HNRNPA0: variants seen among roughly 807,000 people sequenced by gnomAD.
HNRNPA0 encodes the protein heterogeneous nuclear ribonucleoprotein A0.
For synonymous variants in HNRNPA0, 243 were observed against 195.5 expected (o/e 1.24, Z -2.03); for missense variants, 252 against 433.7 (o/e 0.58, Z 3.72).
Position 137,746,945 on chromosome 5 carries a change from AAG to A in HNRNPA0, c.*6202_*6203del, listed in dbSNP as rs1359873588. 3.9e-5 allele frequency: 6 copies of A among 152,186 alleles called. No homozygotes were observed. The highest frequency in any genetic ancestry group is 1.2e-4 in the African/African-American group (5 of 41,440). 9.4% of individuals were successfully genotyped at this position (152,186 alleles called of 1,614,324 possible). ...AAGATCAAGTCATAAGAAAATGTGA[AAG>A]AAGTTTTTTTTTTTAATTTCACTGA... is the stretch of plus-strand genomic sequence containing the variant. On this transcript the variant is annotated 3_prime_UTR_variant, in exon 1 of 1. Transcript: ENST00000314940.
In HNRNPA0 at chr5:137,747,389, A is replaced by G. The variant is rs142727605; in HGVS notation, c.*5760T>C. ...AGCACAATGGCCATTTTGTAAAGCTATATGCGCAAGACACAATGCTTCAAT... is the reference window on the plus strand; with the variant it reads ...AGCACAATGGCCATTTTGTAAAGCTGTATGCGCAAGACACAATGCTTCAAT... On this transcript the variant is annotated 3_prime_UTR_variant, in exon 1 of 1. Transcript: ENST00000314940. 22 of 152,326 alleles carry G rather than the reference A, an allele frequency of 1.4e-4. No individual in the cohort carries two copies. Among genetic ancestry groups the G allele is most frequent in the African/African-American group, 4.6e-4 (19 of 41,558 alleles). The allele number at this position is 152,326 out of a possible 1,614,324, so 9.4% of individuals were successfully genotyped here.
rs914727764 is a variant in HNRNPA0 at position 137,753,560 on chromosome 5, C to T, written c.507G>A (p.Glu169=). The T allele has an allele frequency of 1.2e-6, 2 of 1,613,402 alleles. No individual in the cohort carries two copies. Among genetic ancestry groups the T allele is most frequent in the Admixed American group, 1.7e-5 (1 of 60,022 alleles). ...KFHPIQGHRV[E]VKKAVPKEDI... ...CCTCCTTGGGGACTGCTTTCTTCACCTCCACGCGATGGCCCTGAATCGGAT... is the reference window on the plus strand; with the variant it reads ...CCTCCTTGGGGACTGCTTTCTTCACTTCCACGCGATGGCCCTGAATCGGAT... The change falls in exon 1 of 1, where the codon GAG becomes GAA. Residue 169 remains glutamate (E), a synonymous_variant. Transcript: ENST00000314940. The surrounding 1 kb of genome is among the most constrained non-coding windows in gnomAD (Gnocchi z 6.1).
In HNRNPA0 at chr5:137,753,812, C is replaced by A; in HGVS notation, c.255G>T (p.Arg85=). 1 of 1,611,140 alleles carries A rather than the reference C, an allele frequency of 6.2e-7. No homozygotes were observed. Among genetic ancestry groups the A allele is most frequent in the Non-Finnish European group, 8.5e-7 (1 of 1,180,008 alleles). ...GGGCACCGGGCCGCGCCGAATCCTCCCGGGACACCGCCCGCTTCAGCTCCA... is the reference window on the plus strand; with the variant it reads ...GGGCACCGGGCCGCGCCGAATCCTCACGGGACACCGCCCGCTTCAGCTCCA... ...NTVELKRAVS[R]EDSARPGAHA... Residue 85 remains arginine, a synonymous_variant, in exon 1 of 1, where the codon CGG becomes CGT. Transcript: ENST00000314940. The surrounding 1 kb of genome is among the most constrained non-coding windows in gnomAD (Gnocchi z 6.1).
Position 137,747,534 on chromosome 5 carries a change from T to A in HNRNPA0, c.*5615A>T, listed in dbSNP as rs1753428258. ...GATTAATCTACTCTCTCTTCCTCAT[T>A]CTTCATATATCCAAATATTTGTCAA... On this transcript the variant is annotated 3_prime_UTR_variant, in exon 1 of 1. Transcript: ENST00000314940. 1 of 152,214 alleles carries A rather than the reference T, an allele frequency of 6.6e-6. No homozygotes were observed. Among genetic ancestry groups the A allele is most frequent in the Admixed American group, 6.5e-5 (1 of 15,286 alleles). The allele number at this position is 152,214 out of a possible 1,614,324, so 9.4% of individuals were successfully genotyped here.
rs1753402268 is a variant in HNRNPA0, at chr5:137,745,818, T to C, written c.*7331A>G. The C allele has an allele frequency of 6.6e-6, 1 of 152,218 alleles. No individual in the cohort carries two copies. Among genetic ancestry groups the C allele is most frequent in the Non-Finnish European group, 1.5e-5 (1 of 68,042 alleles). The allele number at this position is 152,218 out of a possible 1,614,324, so 9.4% of individuals were successfully genotyped here. On this transcript the variant is annotated 3_prime_UTR_variant, in exon 1 of 1. Coordinates refer to ENST00000314940, the MANE Select transcript of HNRNPA0 (RefSeq NM_006805.4). Reference sequence around the variant, plus strand: ...AGAGCACATTTTTATACGAGGGATGTTTCTGCCTAGGGACTCAGTATGCAA... The same window carrying C: ...AGAGCACATTTTTATACGAGGGATGCTTCTGCCTAGGGACTCAGTATGCAA...
At position 137,753,041 on chromosome 5, in the gene HNRNPA0, A is replaced by T; in HGVS notation, c.*108T>A. ...TTAGAAGTGGCTCCCCCAAGGGCAA[A>T]ACAGGGAAGGCGGTGTGTGTGAGGG... On this transcript the variant is annotated 3_prime_UTR_variant, in exon 1 of 1. Coordinates refer to ENST00000314940, the MANE Select transcript of HNRNPA0 (RefSeq NM_006805.4). The surrounding 1 kb of genome is among the most constrained non-coding windows in gnomAD (Gnocchi z 6.1). The T allele has an allele frequency of 7.8e-7, 1 of 1,276,668 alleles. No individual in the cohort carries two copies. Among genetic ancestry groups the T allele is most frequent in the South Asian group, 1.5e-5 (1 of 68,420 alleles). 79.1% of individuals were successfully genotyped at this position (1,276,668 alleles called of 1,614,324 possible).
At position 137,753,949 on chromosome 5, in the gene HNRNPA0, C is replaced by T; in HGVS notation, c.118G>A (p.Val40Met). Residue 40 changes from valine (V) to methionine (M), a missense_variant, in exon 1 of 1, where the codon GTG becomes ATG. Physicochemically the swap from Val to Met is conservative, Grantham distance 21. Coordinates refer to ENST00000314940, the MANE Select transcript of HNRNPA0 (RefSeq NM_006805.4). This position sits in a 1 kb window ranked among gnomAD's most constrained non-coding sequence, Gnocchi z 6.1. Reference protein sequence around the residue: ...FGTLTDCVVVVNPQTKRSRCF... With the variant: ...FGTLTDCVVVMNPQTKRSRCF... Reference sequence around the variant, plus strand: ...CGGGAGCGCTTGGTCTGGGGATTCACCACCACCACGCAGTCCGTCAGAGTC... The same window carrying T: ...CGGGAGCGCTTGGTCTGGGGATTCATCACCACCACGCAGTCCGTCAGAGTC... 6.2e-7 allele frequency: 1 copy of T among 1,614,118 alleles called. No individual in the cohort carries two copies. Among genetic ancestry groups the T allele is most frequent in the Non-Finnish European group, 8.5e-7 (1 of 1,180,024 alleles).
At position 137,750,554 on chromosome 5, in the gene HNRNPA0, T is replaced by A. The variant is rs1191648653; in HGVS notation, c.*2595A>T. 3.3e-5 allele frequency: 5 copies of A among 152,138 alleles called. No homozygotes were observed. Among genetic ancestry groups the A allele is most frequent in the African/African-American group, 1.2e-4 (5 of 41,428 alleles). 9.4% of individuals were successfully genotyped at this position (152,138 alleles called of 1,614,324 possible). ...CCACCTGCTCCCATGAACTCTTAAATCTGAATAATGTTCAGATAATTTTCA... is the reference window on the plus strand; with the variant it reads ...CCACCTGCTCCCATGAACTCTTAAAACTGAATAATGTTCAGATAATTTTCA... On this transcript the variant is annotated 3_prime_UTR_variant, in exon 1 of 1. Transcript: ENST00000314940.
chr5:137,753,212 A>T lies in HNRNPA0; in HGVS notation c.855T>A (p.Ser285Arg). 1 of 1,613,186 alleles carries T rather than the reference A, an allele frequency of 6.2e-7. No individual in the cohort carries two copies. Among genetic ancestry groups the T allele is most frequent in the Non-Finnish European group, 8.5e-7 (1 of 1,179,846 alleles). ...GGGGSSWGGR[S>R]NSGPYRGGYG... is the part of the protein sequence containing the mutation. ...AGCCGCCTCTGTAAGGTCCACTATT[A>T]CTGCGACCGCCCCAGCTACTGCCTC... The change falls in exon 1 of 1, where the codon AGT becomes AGA. Residue 285 changes from serine (S) to arginine (R), a missense_variant. Physicochemically the swap from Ser to Arg is moderately radical, Grantham distance 110. Coordinates refer to ENST00000314940, the MANE Select transcript of HNRNPA0 (RefSeq NM_006805.4). This position sits in a 1 kb window ranked among gnomAD's most constrained non-coding sequence, Gnocchi z 6.1.
chr5:137,747,831 A>C lies in HNRNPA0; in HGVS notation c.*5318T>G, dbSNP rs1258832269. On this transcript the variant is annotated 3_prime_UTR_variant, in exon 1 of 1. Transcript: ENST00000314940. ...AGCCTACTACTCAAAGACCTCAGTA[A>C]CCTGGTTCCAACTTCATTTTCTCAA... is the stretch of plus-strand genomic sequence containing the variant. 6.6e-6 allele frequency: 1 copy of C among 152,204 alleles called. No individual in the cohort carries two copies. The highest frequency in any genetic ancestry group is 1.5e-5 in the Non-Finnish European group (1 of 68,022). The allele number at this position is 152,204 out of a possible 1,614,324, so 9.4% of individuals were successfully genotyped here. A position where few individuals can be genotyped will look rare whatever the true frequency, so the allele number is the denominator to read the frequency against.
chr5:137,748,115 A>G lies in HNRNPA0; in HGVS notation c.*5034T>C, dbSNP rs942323461. On this transcript the variant is annotated 3_prime_UTR_variant, in exon 1 of 1. Coordinates refer to ENST00000314940, the MANE Select transcript of HNRNPA0 (RefSeq NM_006805.4). The stretch of plus-strand genomic sequence containing the variant: ...ACCTAGTGTTTGGCATCCAATATGC[A>G]TACTTCTCCAAATACGCTCCATGTT... The G allele has an allele frequency of 3.3e-5, 5 of 152,164 alleles. No homozygotes were observed. The highest frequency in any genetic ancestry group is 5.9e-5 in the Non-Finnish European group (4 of 68,018). 9.4% of individuals were successfully genotyped at this position (152,164 alleles called of 1,614,324 possible).
At position 137,753,446 on chromosome 5, in the gene HNRNPA0, G is replaced by A. The variant is rs1004041889; in HGVS notation, c.621C>T (p.Asn207=). Residue 207 remains asparagine, a synonymous_variant, in exon 1 of 1, where the codon AAC becomes AAT. Coordinates refer to ENST00000314940, the MANE Select transcript of HNRNPA0 (RefSeq NM_006805.4). This position sits in a 1 kb window ranked among gnomAD's most constrained non-coding sequence, Gnocchi z 6.1. ...CGCCGCCGCCGCCCTTGGAAAGGCC[G>A]TTCTGGTCTCGACCACCGCCGCGCC... The part of the protein sequence containing the change: ...GRGRGGGRDQ[N]GLSKGGGGGY... 1.9e-6 allele frequency: 3 copies of A among 1,556,288 alleles called. No individual in the cohort carries two copies. The highest frequency in any genetic ancestry group is 1.9e-5 in the Admixed American group (1 of 51,398).
In HNRNPA0 at chr5:137,753,701, G is replaced by T. The variant is rs761839859; in HGVS notation, c.366C>A (p.Gly122=). ...CAATAATCTCGGCCTTTTCCACGGT[G>T]CCAAACTGCGAGAAGTGCTCGATCA... is the stretch of plus-strand genomic sequence containing the variant. ...GDLIEHFSQF[G]TVEKAEIIAD... is the part of the protein sequence containing the mutation. The change falls in exon 1 of 1, where the codon GGC becomes GGA. Residue 122 remains glycine, a synonymous_variant. Coordinates refer to ENST00000314940, the MANE Select transcript of HNRNPA0 (RefSeq NM_006805.4). The surrounding 1 kb of genome is among the most constrained non-coding windows in gnomAD (Gnocchi z 6.1). 1 of 1,613,702 alleles carries T rather than the reference G, an allele frequency of 6.2e-7. No homozygotes were observed. The highest frequency in any genetic ancestry group is 8.5e-7 in the Non-Finnish European group (1 of 1,180,044).
rs1410148410 is a variant in HNRNPA0 at position 137,745,839 on chromosome 5, T to G, written c.*7310A>C. 1 of 152,216 alleles carries G rather than the reference T, an allele frequency of 6.6e-6. No homozygotes were observed. The highest frequency in any genetic ancestry group is 1.5e-5 in the Non-Finnish European group (1 of 68,036). The allele number at this position is 152,216 out of a possible 1,614,324, so 9.4% of individuals were successfully genotyped here. A position where few individuals can be genotyped will look rare whatever the true frequency, so the allele number is the denominator to read the frequency against. ...GATGTTTCTGCCTAGGGACTCAGTATGCAAGGTTTTCATTGGGAGTTTGGT... is the reference window on the plus strand; with the variant it reads ...GATGTTTCTGCCTAGGGACTCAGTAGGCAAGGTTTTCATTGGGAGTTTGGT... On this transcript the variant is annotated 3_prime_UTR_variant, in exon 1 of 1. Transcript: ENST00000314940.
chr5:137,753,692 T>C lies in HNRNPA0; in HGVS notation c.375A>G (p.Glu125=), dbSNP rs943622218. Residue 125 remains glutamate, a synonymous_variant, in exon 1 of 1, where the codon GAA becomes GAG. Transcript: ENST00000314940. The surrounding 1 kb of genome is among the most constrained non-coding windows in gnomAD (Gnocchi z 6.1). ...GCTTGTCGGCAATAATCTCGGCCTT[T>C]TCCACGGTGCCAAACTGCGAGAAGT... ...IEHFSQFGTV[E]KAEIIADKQS... 17 of 1,613,904 alleles carry C rather than the reference T, an allele frequency of 1.1e-5. No homozygotes were observed. Among genetic ancestry groups the C allele is most frequent in the Non-Finnish European group, 1.4e-5 (17 of 1,180,028 alleles).
rs1044174935 is a variant in HNRNPA0, at chr5:137,750,474, C to T, written c.*2675G>A. ...GAGGTTCACTTTTATTTTGCTAATC[C>T]GTCAAAATACATTCAAGCATGGCAC... On this transcript the variant is annotated 3_prime_UTR_variant, in exon 1 of 1. Transcript: ENST00000314940. 1 of 152,022 alleles carries T rather than the reference C, an allele frequency of 6.6e-6. No homozygotes were observed. The highest frequency in any genetic ancestry group is 2.4e-5 in the African/African-American group (1 of 41,374). The allele number at this position is 152,022 out of a possible 1,614,324, so 9.4% of individuals were successfully genotyped here.
At position 137,749,119 on chromosome 5, in the gene HNRNPA0, G is replaced by A. The variant is rs1004792499; in HGVS notation, c.*4030C>T. 6.6e-6 allele frequency: 1 copy of A among 152,176 alleles called. No homozygotes were observed. Among genetic ancestry groups the A allele is most frequent in the African/African-American group, 2.4e-5 (1 of 41,456 alleles). 9.4% of individuals were successfully genotyped at this position (152,176 alleles called of 1,614,324 possible). A position where few individuals can be genotyped will look rare whatever the true frequency, so the allele number is the denominator to read the frequency against. On this transcript the variant is annotated 3_prime_UTR_variant, in exon 1 of 1. Coordinates refer to ENST00000314940, the MANE Select transcript of HNRNPA0 (RefSeq NM_006805.4). ...AAGGTGCCTAACACCCAATGAAATT[G>A]ACGGTAAACACTGGGAAATAAGCAC...
In HNRNPA0 at chr5:137,753,119, T is replaced by C. The variant is rs200124541; in HGVS notation, c.*30A>G. The C allele has an allele frequency of 9.8e-5, 156 of 1,593,560 alleles. No individual in the cohort carries two copies. The African/African-American group carries it at 1.5e-3, about 15-fold the overall frequency. ...GGGCTGTTGGAAAGAGCTACCCCTA[T>C]AGCCACTCCCAGGCATTTTAAATTT... On this transcript the variant is annotated 3_prime_UTR_variant, in exon 1 of 1. Coordinates refer to ENST00000314940, the MANE Select transcript of HNRNPA0 (RefSeq NM_006805.4). The surrounding 1 kb of genome is among the most constrained non-coding windows in gnomAD (Gnocchi z 6.1).
rs1235289445 is a variant in HNRNPA0, at chr5:137,752,770, C to G, written c.*379G>C. On this transcript the variant is annotated 3_prime_UTR_variant, in exon 1 of 1. Transcript: ENST00000314940. ...TACAACAAAGTAAACTACCCCCCACCCCAACCCCCACCCAGGTTTTGCTAC... is the reference window on the plus strand; with the variant it reads ...TACAACAAAGTAAACTACCCCCCACGCCAACCCCCACCCAGGTTTTGCTAC... 6.4e-6 allele frequency: 1 copy of G among 156,154 alleles called. No homozygotes were observed. The highest frequency in any genetic ancestry group is 1.4e-5 in the Non-Finnish European group (1 of 71,638). 9.7% of individuals were successfully genotyped at this position (156,154 alleles called of 1,614,324 possible). A position where few individuals can be genotyped will look rare whatever the true frequency, so the allele number is the denominator to read the frequency against.
Sources: gnomAD v4.1 joint callset for allele counts on GRCh38, gnomAD v4.1.1 for gene constraint, Gnocchi (gnomAD v3.1) non-coding constraint, MANE v1.5 for transcripts, NCBI Gene and HGNC (gene_info 2026-07-23, HGNC 2026-07-21) for gene names.